Variants in PHKA1 observed in about 807,000 individuals in gnomAD.
The protein encoded by PHKA1 is phosphorylase b kinase regulatory subunit alpha, skeletal muscle isoform.
In PHKA1, 60 loss-of-function variants were observed where a neutral mutation model predicts 110.2. The ratio of observed to expected loss-of-function variants is 0.54; its 90% CI spans 0.44 to 0.68. The LOEUF (loss-of-function observed/expected upper bound fraction) is 0.68. Ranked by LOEUF, PHKA1 falls within the 30% of genes least tolerant of loss-of-function variation. The pLI is 0.00. For missense variants in PHKA1, 801 were observed against 942.5 expected (o/e 0.85, Z 1.97); for synonymous variants, 316 against 333.6 (o/e 0.95, Z 0.58).
intron 8 of PHKA1, 74 bp downstream of exon 8, chrX:72,666,077 C>T (rs781913045): frequency 3.9e-6 from 4 of 1,013,929 alleles, no homozygotes; most frequent in Non-Finnish European, 5.5e-6. Context: ...ACAGGTCATA[C>T]TTAAGGCCCC....
intron 3 of PHKA1, among the ~76,000 whole-genome samples, chrX:72,699,785 C>T (rs1160370593): frequency 1.8e-5 from 2 of 111,162 alleles, no homozygotes; most frequent in African/African-American, 6.5e-5. Context: ...CTTCAGGCCC[C>T]ATGGAAGATG....
chrX:72,620,657 A>G lies in PHKA1; in HGVS notation c.2137+68T>C, dbSNP rs1244909982. On this transcript the variant is annotated intron_variant, in intron 19 of 31. Transcript: ENST00000373542. ...AAAGTTCCTGCTTACATTGTAATCA[A>G]TGCCCGCCCCTATCCTGGGCTTCAC... 5.2e-6 allele frequency: 5 copies of G among 963,230 alleles called. No individual in the cohort carries two copies. The African/African-American group carries it at 5.7e-5, about 11-fold the overall frequency. The allele number at this position is 963,230 out of a possible 1,213,427, so 79.4% of individuals were successfully genotyped here.
chrX:72,636,465 T>C (rs1052757804), intron 14 of PHKA1, 79 bp from the exon 15 acceptor site: 16 of 537,420 alleles, frequency 3.0e-5, no homozygotes, highest in Admixed American at 1.5e-4. Context: ...TATATATATA[T>C]ACACACACAT....
intron 23 of PHKA1, among the ~76,000 whole-genome samples, chrX:72,607,056 A>T (rs1481347960): frequency 2.7e-5 from 3 of 110,774 alleles, no homozygotes; most frequent in East Asian, 5.6e-4. Context: ...ACAGGATCTC[A>T]TTTTTTTTGT....
At chrX:72,621,665 T>C in intron 18 of PHKA1, 1 of 392,033 alleles carries the variant, frequency 2.6e-6, no homozygotes, top group Non-Finnish European at 3.2e-6. Context: ...TCTCCAGATG[T>C]CTTTCTGTGC....
intron 3 of PHKA1, among the ~76,000 whole-genome samples, chrX:72,699,708 C>T (rs966019767): frequency 1.0e-4 from 11 of 110,292 alleles, no homozygotes; most frequent in Non-Finnish European, 2.1e-4. Context: ...AGGGCTTTAA[C>T]TCCTGGGTCT....
At chrX:72,666,326 A>T (rs782435140) in intron 7 of PHKA1, 29 bp from the exon 8 acceptor site, 1 of 1,164,583 alleles carries the variant, frequency 8.6e-7, no homozygotes, top group East Asian at 3.0e-5. Flanking sequence ...AGTTTATATA[A>T]AAGGATGTAT....
At chrX:72,679,780 A>G (rs1219125345) in intron 5 of PHKA1, among the ~76,000 whole-genome samples, 4 of 110,806 alleles carry the variant, frequency 3.6e-5, no homozygotes, top group African/African-American at 1.3e-4. Context: ...ACTAAACAGT[A>G]CATCTGTGAG....
At position 72,675,145 on chromosome X, in the gene PHKA1, G is replaced by A. The variant is rs182395349; in HGVS notation, c.618+925C>T. ...GGAGGTTGCAGTGAGCCAAGATCGT[G>A]CCACTGCACTCCAGCCTGGGCAGCA... On this transcript the variant is annotated intron_variant, in intron 6 of 31. Coordinates refer to ENST00000373542, the MANE Select transcript of PHKA1 (RefSeq NM_002637.4). 6.0e-3 allele frequency among the ~76,000 whole-genome samples: 655 copies of A among 108,829 alleles called. 5 individuals carry two copies. The highest frequency in any genetic ancestry group is 0.021 in the African/African-American group (637 of 29,818). 94.5% of individuals were successfully genotyped at this position (108,829 alleles called of 115,157 possible). A position where few individuals can be genotyped will look rare whatever the true frequency, so the allele number is the denominator to read the frequency against.
At chrX:72,658,453 T>C (rs1376394795) in intron 8 of PHKA1, among the ~76,000 whole-genome samples, 2 of 100,671 alleles carry the variant, frequency 2.0e-5, no homozygotes, top group Non-Finnish European at 3.9e-5. Flanking sequence ...AGTGAGACTT[T>C]GTTTCAAAAA....
rs782062618 is a variant in PHKA1, at chrX:72,656,122, G to A, written c.1039C>T (p.Gln347Ter). 4 of 1,210,185 alleles carry A rather than the reference G, an allele frequency of 3.3e-6. No homozygotes were observed. The East Asian group carries it at 1.2e-4, about 36-fold the overall frequency. ...LDGVFSGNAE[Q>*]VQEYKEALEA... ...AAACTCTTTCCCCAGCTTATTACCT[G>A]TTCTGCATTGCCACTGAAGACCCCA... Residue 347 changes from glutamine to a stop codon, truncating the protein, a stop_gained and splice_region_variant, in exon 10 of 32, where the codon CAG (glutamine) becomes TAG (stop). Transcript: ENST00000373542. LOFTEE classifies it high-confidence loss of function.
At chrX:72,697,545 C>A (rs2054140960) in intron 3 of PHKA1, among the ~76,000 whole-genome samples, 1 of 108,409 alleles carries the variant, frequency 9.2e-6, no homozygotes, top group Non-Finnish European at 1.9e-5. Context: ...TCTCCTAAGA[C>A]CTTGTCTTTT....
At chrX:72,606,065 T>C (rs537166085) in intron 23 of PHKA1, among the ~76,000 whole-genome samples, 65 of 112,080 alleles carry the variant, frequency 5.8e-4, no homozygotes, top group African/African-American at 2.0e-3. Flanking sequence ...AATGATCAAG[T>C]CAGGGTATTT....
At position 72,608,111 on chromosome X, in the gene PHKA1, G is replaced by A. The variant is rs1036376467; in HGVS notation, c.2606+1513C>T. Among the ~76,000 whole-genome samples the A allele has an allele frequency of 7.2e-5, 8 of 111,600 alleles. No homozygotes were observed. In the East Asian group the frequency reaches 2.3e-3, roughly 32 times the overall value. On this transcript the variant is annotated intron_variant, in intron 23 of 31. Transcript: ENST00000373542. ...AGAATGTCTGGTCACTGTGCTGATT[G>A]TTCAGGTCCCAAGGGCTGTTTAGTC...
Position 72,669,360 on chromosome X carries a change from G to T in PHKA1, c.619-1887C>A, listed in dbSNP as rs906723404. 6.0e-4 allele frequency among the ~76,000 whole-genome samples: 66 copies of T among 110,293 alleles called. 1 individual carries two copies. The highest frequency in any genetic ancestry group is 1.8e-3 in the African/African-American group (54 of 30,190). On this transcript the variant is annotated intron_variant, in intron 6 of 31. Coordinates refer to ENST00000373542, the MANE Select transcript of PHKA1 (RefSeq NM_002637.4). ...GAAGCTGTTTTTCTTTTTTTTTGTT[G>T]TTGTTGTTGTTGTTGTTTTTAATTT...
At chrX:72,611,322 C>A in intron 21 of PHKA1, 138 bp from the exon 22 acceptor site, 1 of 512,182 alleles carries the variant, frequency 2.0e-6, no homozygotes, top group Non-Finnish European at 3.4e-6. Context: ...ACTAAGAATC[C>A]TTATAAAACT....
At position 72,602,185 on chromosome X, in the gene PHKA1, G is replaced by A; in HGVS notation, c.3006C>T (p.Ile1002=). The stretch of plus-strand genomic sequence containing the variant: ...GCTTTATCTCACTTTTTAACTGCAT[G>A]ATCCCAGTTCGTTCTGTTTTGGTTG... ...VGATKTERTG[I]MQLKSEIKQV... Residue 1002 remains isoleucine, a synonymous_variant, in exon 27 of 32, where the codon ATC becomes ATT. Transcript: ENST00000373542. 1 of 1,200,537 alleles carries A rather than the reference G, an allele frequency of 8.3e-7. No homozygotes were observed. Among genetic ancestry groups the A allele is most frequent in the East Asian group, 3.0e-5 (1 of 33,777 alleles).
intron 28 of PHKA1, among the ~76,000 whole-genome samples, chrX:72,597,743 A>G (rs1294200781): frequency 1.8e-5 from 2 of 111,840 alleles, no homozygotes; most frequent in African/African-American, 6.5e-5. Context: ...ACTGTGCCCA[A>G]TGCATCTTGT....
intron 28 of PHKA1, chrX:72,599,744 A>G (rs2052633905): frequency 2.2e-6 from 1 of 458,939 alleles, no homozygotes; most frequent in East Asian, 3.8e-5. Context: ...CAACCAGTAT[A>G]TGTCATGATT....
Sources: allele counts gnomAD v4.1 joint callset (sites outside exome capture counted in the v4.1 genomes callset), GRCh38; gene constraint gnomAD v4.1.1; transcripts MANE v1.5; gene names NCBI Gene and HGNC (gene_info 2026-07-23, HGNC 2026-07-21).